The following DLGAP1 variants were observed in gnomAD, a reference collection of about 807,000 sequenced individuals.
The protein encoded by DLGAP1 is disks large-associated protein 1.
DLGAP1 carries 11 observed loss-of-function variants against 90.8 expected under a neutral mutation model. That is an observed-to-expected ratio of 0.12 (90% confidence interval 0.08 to 0.20). The LOEUF (loss-of-function observed/expected upper bound fraction) is 0.20, where lower values mean the gene tolerates loss of function less well. Among genes scored for constraint, DLGAP1 ranks in the 10% least tolerant of loss-of-function variants. The probability of loss-of-function intolerance (pLI) is 1.00; values close to 1 mark genes in which losing one functional copy is unlikely to be tolerated. For missense variants in DLGAP1, 1,050 were observed against 1,333.8 expected, an observed-to-expected ratio of 0.79 and a Z score of 3.31; for synonymous variants, 558 against 540.7, an observed-to-expected ratio of 1.03 and a Z score of -0.44.
intron 7 of DLGAP1, among the ~76,000 whole-genome samples, chr18:3,705,634 T>TATAATA (rs1017533059): frequency 6.7e-6 from 1 of 150,328 alleles, no homozygotes. Flanking sequence ...TATATCCCAG[T>TATAATA]ATAATAATAA....
chr18:3,996,331 AT>A (rs1382622154), intron 3 of DLGAP1, among the ~76,000 whole-genome samples: 4 of 152,112 alleles, frequency 2.6e-5, no homozygotes, highest in African/African-American at 9.6e-5. Context: ...CTAAATTTTC[AT>A]TTCATTTTAA....
intron 5 of DLGAP1, among the ~76,000 whole-genome samples, chr18:3,803,199 C>A (rs1238538286): frequency 6.6e-6 from 1 of 152,142 alleles, no homozygotes; most frequent in Non-Finnish European, 1.5e-5. Flanking sequence ...TGGACCCCCC[C>A]TAGCATTGTG....
chr18:4,188,053 T>G (rs1330873170), intron 1 of DLGAP1, among the ~76,000 whole-genome samples: 1 of 152,072 alleles, frequency 6.6e-6, no homozygotes, highest in Non-Finnish European at 1.5e-5. Flanking sequence ...ATTTTATTGT[T>G]TTAAGAAAAA....
At chr18:3,777,232 G>A (rs757131057) in intron 5 of DLGAP1, among the ~76,000 whole-genome samples, 1 of 152,064 alleles carries the variant, frequency 6.6e-6, no homozygotes, top group Non-Finnish European at 1.5e-5. Context: ...GGTATGGCTG[G>A]GGTGTTTTGG....
chr18:4,372,943 G>T (rs78611847), intron 1 of DLGAP1, among the ~76,000 whole-genome samples: 1 of 151,042 alleles, frequency 6.6e-6, no homozygotes, highest in African/African-American at 2.4e-5. Flanking sequence ...AAAAAGAAAA[G>T]AAAAAAAGAA....
rs531658567 is a variant in DLGAP1 at position 4,210,879 on chromosome 18, T to C, written c.-266-59592A>G. On this transcript the variant is annotated intron_variant, in intron 1 of 12. Transcript: ENST00000315677. ...CCCTTTCGTTTACATGTAAGGAAGC[T>C]GAAGCCCAGGAGAGGTTCAGTGACA... Among the ~76,000 whole-genome samples the C allele has an allele frequency of 6.6e-5, 10 of 152,298 alleles. 1 individual carries two copies. In the South Asian group the frequency reaches 1.9e-3, roughly 28 times the overall value.
At chr18:3,667,105 G>A (rs547383042) in intron 7 of DLGAP1, among the ~76,000 whole-genome samples, 1 of 151,300 alleles carries the variant, frequency 6.6e-6, no homozygotes, top group Non-Finnish European at 1.5e-5. Context: ...GGGAGTCAGG[G>A]TCTCACTCTG....
At chr18:4,047,929 G>C (rs995565273) in intron 2 of DLGAP1, among the ~76,000 whole-genome samples, 12 of 152,130 alleles carry the variant, frequency 7.9e-5, no homozygotes, top group Admixed American at 5.2e-4. Context: ...CCAAGTAGCT[G>C]GGGCCACAGG....
intron 1 of DLGAP1, among the ~76,000 whole-genome samples, chr18:4,362,766 A>T (rs2081657503): frequency 1.3e-5 from 2 of 152,144 alleles, no homozygotes; most frequent in South Asian, 4.1e-4. Context: ...ATAATGAAAA[A>T]CACTGGATGA....
intron 7 of DLGAP1, among the ~76,000 whole-genome samples, chr18:3,592,225 A>G (rs1239991626): frequency 6.6e-6 from 1 of 152,238 alleles, no homozygotes; most frequent in Admixed American, 6.5e-5. Flanking sequence ...AGCAGCTGGC[A>G]CTGATGAGGA....
chr18:4,393,368 A>G (rs1262278960), intron 1 of DLGAP1, among the ~76,000 whole-genome samples: 1 of 152,090 alleles, frequency 6.6e-6, no homozygotes, highest in East Asian at 1.9e-4. Flanking sequence ...CATTTGGTGA[A>G]CATGCCAGTC....
chr18:3,834,531 C>T (rs931850543), intron 4 of DLGAP1, among the ~76,000 whole-genome samples: 1 of 151,992 alleles, frequency 6.6e-6, no homozygotes, highest in African/African-American at 2.4e-5. Context: ...GAGCTTGGCA[C>T]ACAGTAGATG....
intron 11 of DLGAP1, among the ~76,000 whole-genome samples, chr18:3,503,609 C>T (rs1050730651): frequency 6.6e-6 from 1 of 152,186 alleles, no homozygotes; most frequent in Admixed American, 6.5e-5. Context: ...CTTGGTATTT[C>T]AGGCAACTGG....
At chr18:3,976,475 C>A (rs2073582910) in intron 3 of DLGAP1, among the ~76,000 whole-genome samples, 1 of 152,102 alleles carries the variant, frequency 6.6e-6, no homozygotes, top group Non-Finnish European at 1.5e-5. Flanking sequence ...TAATTCTCAG[C>A]ACCCTAGCTT....
intron 5 of DLGAP1, among the ~76,000 whole-genome samples, chr18:3,799,685 A>G (rs766747085): frequency 4.9e-4 from 75 of 152,224 alleles, no homozygotes; most frequent in Non-Finnish European, 9.7e-4. Flanking sequence ...GCTATGGGCA[A>G]CCACTTAAAT....
intron 5 of DLGAP1, 146 bp downstream of exon 5, chr18:3,813,913 G>A (rs919319673): frequency 3.2e-5 from 24 of 748,028 alleles, no homozygotes; most frequent in Middle Eastern, 3.8e-4. Context: ...GGGTACGGAC[G>A]TCAGATCTAA....
intron 7 of DLGAP1, among the ~76,000 whole-genome samples, chr18:3,701,325 C>T (rs963930811): frequency 6.6e-6 from 1 of 152,134 alleles, no homozygotes; most frequent in African/African-American, 2.4e-5. Context: ...GTGTGGTGTT[C>T]CCGTTAAGGG....
At chr18:3,531,298 A>T (rs1296316018) in intron 10 of DLGAP1, among the ~76,000 whole-genome samples, 1 of 151,956 alleles carries the variant, frequency 6.6e-6, no homozygotes, top group Non-Finnish European at 1.5e-5. Flanking sequence ...TTAGCTTGGC[A>T]TGGTGGCAGG....
chr18:4,363,007 C>T (rs2081662486), intron 1 of DLGAP1, among the ~76,000 whole-genome samples: 1 of 152,052 alleles, frequency 6.6e-6, no homozygotes, highest in Non-Finnish European at 1.5e-5. Flanking sequence ...CGATGGCAAA[C>T]AAACCAGAAA....
Sources: gnomAD v4.1 joint callset for allele counts (sites outside exome capture counted in the v4.1 genomes callset) on GRCh38, gnomAD v4.1.1 for gene constraint, MANE v1.5 for transcripts, NCBI Gene and HGNC (gene_info 2026-07-23, HGNC 2026-07-21) for gene names.